The following VILL variants were observed in gnomAD, a reference collection of about 807,000 sequenced individuals.
VILL encodes villin like.
Under a neutral mutation model 106.3 loss-of-function variants are expected in VILL, and 102 were observed. The ratio of observed to expected loss-of-function variants is 0.96; its 90% CI spans 0.82 to 1.13. The LOEUF (loss-of-function observed/expected upper bound fraction) is 1.13. Ranked by LOEUF, VILL falls within the 50% of genes most tolerant of loss-of-function variation. The pLI is 0.00. For synonymous variants in VILL, 431 were observed against 440.3 expected (o/e 0.98, Z 0.27); for missense variants, 1,076 against 1,116.6 (o/e 0.96, Z 0.52).
At position 38,004,311 on chromosome 3, in the gene VILL, T is replaced by C. The variant is rs778569131; in HGVS notation, c.1862T>C (p.Met621Thr). Residue 621 changes from methionine (M) to threonine (T), a missense_variant, in exon 16 of 20, where the codon ATG (methionine) becomes ACG (threonine). Physicochemically the swap from Met to Thr is moderately conservative, Grantham distance 81 (BLOSUM62 -1). Transcript: ENST00000383759. ...CGACTGTTTGAGTGCTCCAGCCACA[T>C]GGGCTGCCTGGTCCTCGCAGAAGTG... Reference protein sequence around the residue: ...QPRLFECSSHMGCLVLAEVGF... With the variant: ...QPRLFECSSHTGCLVLAEVGF... The C allele has an allele frequency of 5.0e-6, 8 of 1,613,938 alleles. No individual in the cohort carries two copies. Among genetic ancestry groups the C allele is most frequent in the Non-Finnish European group, 6.8e-6 (8 of 1,179,784 alleles).
Position 37,998,613 on chromosome 3 carries a change from T to C in VILL, c.942+249T>C, listed in dbSNP as rs1699751410. ...CCTGCCTTCAGGTCTGGGGCCCTAC[T>C]GACTGGGCGGTCCCGCTTTCTGAGG... On this transcript the variant is annotated intron_variant, in intron 9 of 19. Transcript: ENST00000383759. The surrounding 1 kb of genome is among the most constrained non-coding windows in gnomAD (Gnocchi z 4.1). Among the ~76,000 whole-genome samples the C allele has an allele frequency of 6.6e-6, 1 of 152,120 alleles. No homozygotes were observed. Among genetic ancestry groups the C allele is most frequent in the South Asian group, 2.1e-4 (1 of 4,822 alleles).
At chr3:38,001,671 C>T in intron 12 of VILL, 31 bp from the exon 13 acceptor site, 1 of 1,613,770 alleles carries the variant, frequency 6.2e-7, no homozygotes, top group Non-Finnish European at 8.5e-7. Context: ...GAGAGCTGGG[C>T]CAGGCCCTCA....
upstream of VILL, among the ~76,000 whole-genome samples, chr3:37,988,669 CCTGACCAA>C (rs1699576486): frequency 6.6e-6 from 1 of 152,154 alleles, no homozygotes; most frequent in Non-Finnish European, 1.5e-5. Context: ...TCGCAACCAG[CCTGACCAA>C]CATAGTGAAA....
chr3:37,994,182 G>T, intron 3 of VILL, 79 bp from the exon 4 acceptor site: 1 of 1,517,136 alleles, frequency 6.6e-7, no homozygotes, highest in Non-Finnish European at 8.9e-7. Flanking sequence ...TCTCCCCATG[G>T]CCCTTGGTAC....
chr3:38,003,126 C>A (rs373832012), intron 14 of VILL, 42 bp from the exon 15 acceptor site: 1 of 1,604,844 alleles, frequency 6.2e-7, no homozygotes, highest in Non-Finnish European at 8.5e-7. Context: ...GAGGTGAAGG[C>A]CCCTCCTCAT....
chr3:38,001,776 C>T lies in VILL; in HGVS notation c.1395C>T (p.Gly465=), dbSNP rs1699821514. The T allele has an allele frequency of 1.9e-6, 3 of 1,614,256 alleles. No homozygotes were observed. The South Asian group carries it at 3.3e-5, about 18-fold the overall frequency. The change falls in exon 13 of 20, where the codon GGC becomes GGT. Residue 465 remains glycine, a synonymous_variant. Transcript: ENST00000383759. ...AGGAACTAGATGTCATGTATGGTGG[C>T]GTCCTAGTACAGGAGCATGTGACCA... ...NAEELDVMYG[G]VLVQEHVTMG... is the part of the protein sequence containing the mutation.
intron 16 of VILL, 129 bp from the exon 17 acceptor site, chr3:38,005,663 T>C: frequency 2.1e-6 from 2 of 968,080 alleles, no homozygotes; most frequent in Non-Finnish European, 3.0e-6. Context: ...GCTTGCTGGG[T>C]GTGTCTGCTT....
At chr3:37,994,164 G>T (rs371903623) in intron 3 of VILL, 97 bp from the exon 4 acceptor site, 1 of 1,477,582 alleles carries the variant, frequency 6.8e-7, no homozygotes. Flanking sequence ...GGAAGCCCCT[G>T]CCTAGCGTCT....
At chr3:37,999,318 C>T (rs756966311) in intron 10 of VILL, 21 bp from the exon 11 acceptor site, 4 of 1,497,550 alleles carry the variant, frequency 2.7e-6, no homozygotes, top group South Asian at 2.7e-5. Flanking sequence ...GCGCCACTGA[C>T]GCCTACTGTC....
chr3:38,004,456 G>T, intron 16 of VILL, 57 bp downstream of exon 16: 1 of 1,572,510 alleles, frequency 6.4e-7, no homozygotes. Flanking sequence ...TTCTGTTTGT[G>T]TAACTGGGTG....
chr3:37,997,148 G>A lies in VILL; in HGVS notation c.522G>A (p.Gln174=). The A allele has an allele frequency of 6.2e-7, 1 of 1,614,202 alleles. No homozygotes were observed. The highest frequency in any genetic ancestry group is 8.5e-7 in the Non-Finnish European group (1 of 1,180,034). ...TGGACCTAGGCAAGATGATGATTCA[G>A]TGGAATGGGCCCAAGACCAGCATTT... ...FLLDLGKMMI[Q]WNGPKTSISE... The change falls in exon 6 of 20, where the codon CAG becomes CAA. Residue 174 remains glutamine, a synonymous_variant. Transcript: ENST00000383759. This position sits in a 1 kb window ranked among gnomAD's most constrained non-coding sequence, Gnocchi z 4.7.
In VILL at chr3:37,997,388, C is replaced by A; in HGVS notation, c.562-95C>A. ...GGATGAGGGGACATCAGCCCTTCTC[C>A]CCATCAGCCTCTGGGAGCTGAGCAG... On this transcript the variant is annotated intron_variant, in intron 6 of 19. Transcript: ENST00000383759. This position sits in a 1 kb window ranked among gnomAD's most constrained non-coding sequence, Gnocchi z 4.7. The A allele has an allele frequency of 7.2e-7, 1 of 1,393,952 alleles. No homozygotes were observed. The highest frequency in any genetic ancestry group is 1.9e-5 in the Admixed American group (1 of 53,424). The allele number at this position is 1,393,952 out of a possible 1,614,324, so 86.3% of individuals were successfully genotyped here. A position where few individuals can be genotyped will look rare whatever the true frequency, so the allele number is the denominator to read the frequency against.
At position 38,002,517 on chromosome 3, in the gene VILL, A is replaced by G. The variant is rs1299926852; in HGVS notation, c.1601A>G (p.Asn534Ser). 5.6e-6 allele frequency: 9 copies of G among 1,613,950 alleles called. No individual in the cohort carries two copies. The highest frequency in any genetic ancestry group is 1.7e-4 in the Middle Eastern group (1 of 6,058). Residue 534 changes from asparagine to serine, a missense_variant, in exon 14 of 20, where the codon AAC (asparagine) becomes AGC (serine). Coordinates refer to ENST00000383759, the MANE Select transcript of VILL (RefSeq NM_015873.4). ...GTGCCAGCCCGTGCCTCATCCCTCA[A>G]CTCCAGTGACATCTTCTTGCTGGTC... ...MEVPARASSL[N>S]SSDIFLLVTA...
chr3:38,006,787 G>A lies in VILL; in HGVS notation c.2457+87G>A, dbSNP rs1699937978. The A allele has an allele frequency of 2.6e-6, 4 of 1,536,662 alleles. No individual in the cohort carries two copies. The Admixed American group carries it at 7.5e-5, about 29-fold the overall frequency. On this transcript the variant is annotated intron_variant, in intron 19 of 19. Coordinates refer to ENST00000383759, the MANE Select transcript of VILL (RefSeq NM_015873.4). ...GCAGGATCCACTGGTGGCGGGCAGT[G>A]GGCAACTGCCCCGGGAGATGTGTCT...
At chr3:37,996,332 G>T (rs1221672979) in intron 5 of VILL, among the ~76,000 whole-genome samples, 1 of 152,086 alleles carries the variant, frequency 6.6e-6, no homozygotes, top group African/African-American at 2.4e-5. Context: ...CACACACACT[G>T]TCTCCCACTG....
rs773308569 is a variant in VILL at position 37,997,219 on chromosome 3, G to A, written c.561+32G>A. On this transcript the variant is annotated intron_variant, in intron 6 of 19. Coordinates refer to ENST00000383759, the MANE Select transcript of VILL (RefSeq NM_015873.4). This position sits in a 1 kb window ranked among gnomAD's most constrained non-coding sequence, Gnocchi z 4.7. ...GTCTGCCCAAGGAACTGGGGAGTACGGGGCTTGGGCGGGGAATGATCCTCC... is the reference window on the plus strand; with the variant it reads ...GTCTGCCCAAGGAACTGGGGAGTACAGGGCTTGGGCGGGGAATGATCCTCC... 31 of 1,603,310 alleles carry A rather than the reference G, an allele frequency of 1.9e-5. No individual in the cohort carries two copies. Among genetic ancestry groups the A allele is most frequent in the African/African-American group, 5.4e-5 (4 of 74,708 alleles).
At chr3:38,001,336 C>T in intron 11 of VILL, 120 bp from the exon 12 acceptor site, 1 of 1,463,932 alleles carries the variant, frequency 6.8e-7, no homozygotes, top group Non-Finnish European at 9.3e-7. Context: ...GGGTGGGCCC[C>T]TGGCCTGCGT....
intron 16 of VILL, 51 bp downstream of exon 16, chr3:38,004,450 G>T: frequency 2.5e-6 from 4 of 1,579,816 alleles, no homozygotes; most frequent in Non-Finnish European, 3.5e-6. Context: ...GTGTGTTTCT[G>T]TTTGTGTAAC....
rs981042146 is a variant in VILL, at chr3:38,003,426, G to A, written c.1805+113G>A. On this transcript the variant is annotated intron_variant, in intron 15 of 19. Coordinates refer to ENST00000383759, the MANE Select transcript of VILL (RefSeq NM_015873.4). ...GCTGGCAAGACGAGACTAGAACCAA[G>A]GACTCTCAGTTTCCCACTCACAGAG... 39 of 1,341,936 alleles carry A rather than the reference G, an allele frequency of 2.9e-5. No individual in the cohort carries two copies. In the African/African-American group the frequency reaches 5.2e-4, roughly 18 times the overall value. The allele number at this position is 1,341,936 out of a possible 1,614,324, so 83.1% of individuals were successfully genotyped here. A position where few individuals can be genotyped will look rare whatever the true frequency, so the allele number is the denominator to read the frequency against.
Sources: gnomAD v4.1 joint callset for allele counts (sites outside exome capture counted in the v4.1 genomes callset) on GRCh38, gnomAD v4.1.1 for gene constraint, Gnocchi (gnomAD v3.1) non-coding constraint, MANE v1.5 for transcripts, NCBI Gene and HGNC (gene_info 2026-07-23, HGNC 2026-07-21) for gene names.